ANO10: variants seen among roughly 807,000 people sequenced by gnomAD.
The protein encoded by ANO10 is anoctamin-10.
In ANO10, 77 loss-of-function variants were observed where a neutral mutation model predicts 74.7. The ratio of observed to expected loss-of-function variants is 1.03; its 90% confidence interval spans 0.86 to 1.25. ANO10 has a LOEUF of 1.25. ANO10 is among the 50% of genes most tolerant of loss of function. ANO10 has a pLI of 0.00. For synonymous variants in ANO10, 279 were observed against 284.9 expected, an observed-to-expected ratio of 0.98 and a Z score of 0.21; for missense variants, 721 against 778.1, an observed-to-expected ratio of 0.93 and a Z score of 0.87.
At chr3:43,652,408 A>G (rs1367188022) in intron 1 of ANO10, among the ~76,000 whole-genome samples, 2 of 152,240 alleles carry the variant, frequency 1.3e-5, no homozygotes, top group Non-Finnish European at 2.9e-5. Flanking sequence ...GATGAGAGAA[A>G]GAACAGTCTT....
At chr3:43,409,157 A>G (rs2092624873) in intron 12 of ANO10, among the ~76,000 whole-genome samples, 1 of 152,206 alleles carries the variant, frequency 6.6e-6, no homozygotes, top group African/African-American at 2.4e-5. Flanking sequence ...CACACACATT[A>G]TCACTACCAC....
At chr3:43,541,819 A>G (rs1575383052) in intron 11 of ANO10, among the ~76,000 whole-genome samples, 1 of 152,202 alleles carries the variant, frequency 6.6e-6, no homozygotes, top group Non-Finnish European at 1.5e-5. Flanking sequence ...ATTGTCATAC[A>G]GTTTTAGTAA....
rs2091642999 is a variant in ANO10, at chr3:43,372,331, GAGACGGCACCCC to G, written c.1915-5369_1915-5358del. The stretch of plus-strand genomic sequence containing the variant: ...TCAAGGCTGTGCCCCTGCCTGCACT[GAGACGGCACCCC>G]AGACCATCCCACTCTTGTCTCAAGG... On this transcript the variant is annotated intron_variant, in intron 12 of 12. Transcript: ENST00000292246. Among the ~76,000 whole-genome samples, 6 of 152,126 alleles carry G rather than the reference GAGACGGCACCCC, an allele frequency of 3.9e-5. 1 individual carries two copies. In the South Asian group the frequency reaches 1.2e-3, roughly 32 times the overall value.
At chr3:43,598,792 A>C in intron 3 of ANO10, 126 bp from the exon 4 acceptor site, 1 of 777,892 alleles carries the variant, frequency 1.3e-6, no homozygotes, top group Non-Finnish European at 2.0e-6. Flanking sequence ...CAAAGTATGA[A>C]GCTGGTAAAT....
intron 11 of ANO10, among the ~76,000 whole-genome samples, chr3:43,529,404 C>CTA (rs1401425684): frequency 1.3e-5 from 2 of 152,180 alleles, no homozygotes; most frequent in African/African-American, 4.8e-5. Context: ...CCCACAGCAT[C>CTA]TATACCATTT....
intron 1 of ANO10, among the ~76,000 whole-genome samples, chr3:43,606,702 T>C (rs72866821): frequency 0.11 from 16,143 of 150,464 alleles, 1,472 homozygotes; most frequent in African/African-American, 0.25. Flanking sequence ...GTAGTCAAGG[T>C]GTAATTATAT....
At chr3:43,513,111 A>G (rs1320958275) in intron 11 of ANO10, among the ~76,000 whole-genome samples, 1 of 152,196 alleles carries the variant, frequency 6.6e-6, no homozygotes, top group Non-Finnish European at 1.5e-5. Flanking sequence ...TCTTACCAGC[A>G]CACGTATGTG....
At chr3:43,557,822 T>G (rs2079833178) in intron 9 of ANO10, among the ~76,000 whole-genome samples, 1 of 150,758 alleles carries the variant, frequency 6.6e-6, no homozygotes. Flanking sequence ...TAATTAAAAC[T>G]GAGAAATTAG....
chr3:43,455,959 C>A (rs925890677), intron 11 of ANO10, among the ~76,000 whole-genome samples: 4 of 152,100 alleles, frequency 2.6e-5, no homozygotes, highest in Admixed American at 1.3e-4. Context: ...CAAAGACTTG[C>A]GTTAACTCTA....
chr3:43,519,313 T>C (rs1028789021), intron 11 of ANO10, among the ~76,000 whole-genome samples: 8 of 152,292 alleles, frequency 5.3e-5, no homozygotes, highest in Admixed American at 6.5e-5. Flanking sequence ...TCTGTAATCA[T>C]ATCCACAGAG....
chr3:43,563,881 G>A (rs568531189), intron 8 of ANO10, among the ~76,000 whole-genome samples: 2 of 152,198 alleles, frequency 1.3e-5, no homozygotes, highest in South Asian at 4.1e-4. Context: ...ATAAAGAGAA[G>A]CTGATCGAGA....
intron 4 of ANO10, among the ~76,000 whole-genome samples, 172 bp downstream of exon 4, chr3:43,598,360 A>C (rs2082183669): frequency 6.6e-6 from 1 of 152,252 alleles, no homozygotes; most frequent in Non-Finnish European, 1.5e-5. Context: ...ATATAAAACA[A>C]ACATATTGAT....
chr3:43,451,032 C>G (rs1459080102), intron 11 of ANO10, among the ~76,000 whole-genome samples: 1 of 152,186 alleles, frequency 6.6e-6, no homozygotes, highest in African/African-American at 2.4e-5. Context: ...TCCCTATTTT[C>G]AAAGTATATC....
chr3:43,613,263 T>C (rs917998476), intron 1 of ANO10, among the ~76,000 whole-genome samples: 32 of 151,994 alleles, frequency 2.1e-4, no homozygotes, highest in African/African-American at 7.7e-4. Context: ...CTAGGTTCAA[T>C]GAAGGAAATC....
At chr3:43,388,633 T>A (rs1178092004) in intron 12 of ANO10, among the ~76,000 whole-genome samples, 1 of 152,222 alleles carries the variant, frequency 6.6e-6, no homozygotes, top group Non-Finnish European at 1.5e-5. Context: ...AGAAAAACTT[T>A]AAGTACATGG....
At chr3:43,493,868 T>C (rs989828375) in intron 11 of ANO10, among the ~76,000 whole-genome samples, 10 of 152,138 alleles carry the variant, frequency 6.6e-5, no homozygotes, top group Admixed American at 3.9e-4. Context: ...CCTGAGTAGC[T>C]AGTACTACAG....
chr3:43,632,495 A>G (rs1172858622), intron 1 of ANO10, among the ~76,000 whole-genome samples: 2 of 152,270 alleles, frequency 1.3e-5, no homozygotes, highest in Non-Finnish European at 2.9e-5. Context: ...TCAGGCCTAG[A>G]ACGGTAATGA....
chr3:43,372,221 T>C (rs1021832502), intron 12 of ANO10, among the ~76,000 whole-genome samples: 3 of 152,092 alleles, frequency 2.0e-5, no homozygotes, highest in Non-Finnish European at 4.4e-5. Flanking sequence ...TCTCAGACCA[T>C]GGAACTTCGG....
At chr3:43,463,334 G>A (rs925340117) in intron 11 of ANO10, among the ~76,000 whole-genome samples, 20 of 152,216 alleles carry the variant, frequency 1.3e-4, no homozygotes, top group African/African-American at 4.6e-4. Flanking sequence ...GAGACATGGA[G>A]TCAAAGGAGA....
Sources: allele counts gnomAD v4.1 joint callset (sites outside exome capture counted in the v4.1 genomes callset), GRCh38; gene constraint gnomAD v4.1.1; transcripts MANE v1.5; gene names NCBI Gene and HGNC (gene_info 2026-07-23, HGNC 2026-07-21).